The following CSMD1 variants were observed in gnomAD, a reference collection of about 807,000 sequenced individuals.
The protein encoded by CSMD1 is CUB and sushi domain-containing protein 1.
In CSMD1, 213 loss-of-function variants were observed where a neutral mutation model predicts 417.5. The observed-to-expected ratio is 0.51, with a 90% CI of 0.46 to 0.57. The LOEUF is 0.57. CSMD1 is among the 20% of genes least tolerant of loss of function. CSMD1 has a pLI of 0.00. For synonymous variants in CSMD1, 2,862 were observed against 1,736.8 expected (o/e 1.65, Z -16.11); for missense variants, 6,923 against 4,529.7 (o/e 1.53, Z -15.17).
chr8:3,676,223 T>C (rs1190313082), intron 7 of CSMD1, among the ~76,000 whole-genome samples: 2 of 152,216 alleles, frequency 1.3e-5, no homozygotes, highest in Non-Finnish European at 1.5e-5. Context: ...TTGAAGTAAA[T>C]ACTAACCTTG....
intron 7 of CSMD1, among the ~76,000 whole-genome samples, chr8:3,665,765 G>T (rs547426957): frequency 1.3e-5 from 2 of 152,138 alleles, no homozygotes; most frequent in African/African-American, 2.4e-5. Context: ...TTTATCCAAG[G>T]CAGTAGCTTG....
chr8:4,107,930 T>A (rs1585328192), intron 3 of CSMD1, among the ~76,000 whole-genome samples: 1 of 152,074 alleles, frequency 6.6e-6, no homozygotes, highest in African/African-American at 2.4e-5. Context: ...TCGTCAAAGT[T>A]TTGCCCCCTA....
At chr8:4,974,955 T>C (rs947461705) in intron 1 of CSMD1, among the ~76,000 whole-genome samples, 2 of 152,322 alleles carry the variant, frequency 1.3e-5, no homozygotes, top group Middle Eastern at 3.4e-3. Context: ...TATTCGACAA[T>C]AGATTCAAGT....
chr8:4,187,502 T>A (rs1700089), intron 3 of CSMD1, among the ~76,000 whole-genome samples: 21,684 of 151,772 alleles, frequency 0.14, 1,655 homozygotes, highest in Middle Eastern at 0.23. Context: ...AAAATCAGCC[T>A]GGGTGGTGGC....
intron 1 of CSMD1, among the ~76,000 whole-genome samples, chr8:4,717,729 G>C (rs1808776516): frequency 6.6e-6 from 1 of 152,136 alleles, no homozygotes; most frequent in Non-Finnish European, 1.5e-5. Flanking sequence ...GTGGAGCCAT[G>C]TTTGCAGGAA....
intron 2 of CSMD1, among the ~76,000 whole-genome samples, chr8:4,460,892 G>GAAGAGGGATCACATTCCAACTTATTTT (rs1799774536): frequency 6.6e-6 from 1 of 152,074 alleles, no homozygotes; most frequent in Non-Finnish European, 1.5e-5. Flanking sequence ...TCCAAAAATA[G>GAAGAGGGATCACATTCCAACTTATTTT]AAGAGGGATC....
At chr8:3,625,597 T>A (rs1796453796) in intron 7 of CSMD1, among the ~76,000 whole-genome samples, 1 of 152,144 alleles carries the variant, frequency 6.6e-6, no homozygotes, top group African/African-American at 2.4e-5. Context: ...AATTTATTTT[T>A]AAAAAATACA....
At chr8:4,714,466 T>C (rs972497824) in intron 1 of CSMD1, among the ~76,000 whole-genome samples, 15 of 152,146 alleles carry the variant, frequency 9.9e-5, no homozygotes, top group African/African-American at 3.6e-4. Flanking sequence ...ACATAAGCGC[T>C]TTCATATGCT....
chr8:2,957,026 T>C lies in CSMD1; in HGVS notation c.9814+670A>G, dbSNP rs138797920. On this transcript the variant is annotated intron_variant, in intron 63 of 69. Transcript: ENST00000635120. ...TTTTATAACATTCTATTAATGTTTT[T>C]ATTTTTAATACAGTAAGAATAAGAC... 6.0e-3 allele frequency among the ~76,000 whole-genome samples: 914 copies of C among 152,282 alleles called. 10 individuals are homozygous for C. The highest frequency in any genetic ancestry group is 0.021 in the African/African-American group (862 of 41,554).
chr8:4,245,421 G>A (rs887022058), intron 3 of CSMD1, among the ~76,000 whole-genome samples: 2 of 152,118 alleles, frequency 1.3e-5, no homozygotes, highest in African/African-American at 4.8e-5. Context: ...GCAAAGGGAG[G>A]AGGAGGCAGG....
At chr8:3,685,379 C>T (rs1340250456) in intron 7 of CSMD1, among the ~76,000 whole-genome samples, 1 of 152,156 alleles carries the variant, frequency 6.6e-6, no homozygotes, top group Non-Finnish European at 1.5e-5. Flanking sequence ...CACCAGGGGT[C>T]CTGTCTGGGT....
At chr8:3,332,895 TGA>T (rs1393821796) in intron 23 of CSMD1, among the ~76,000 whole-genome samples, 1 of 152,138 alleles carries the variant, frequency 6.6e-6, no homozygotes, top group African/African-American at 2.4e-5. Flanking sequence ...ATGGCAAGTG[TGA>T]GAGCACCAGA....
intron 3 of CSMD1, among the ~76,000 whole-genome samples, chr8:4,165,479 C>T (rs534627027): frequency 1.3e-4 from 20 of 152,342 alleles, no homozygotes; most frequent in African/African-American, 4.1e-4. Flanking sequence ...TCATTGCTCA[C>T]TGTAGCCTCA....
intron 1 of CSMD1, among the ~76,000 whole-genome samples, chr8:4,990,302 T>C (rs1420409780): frequency 6.6e-6 from 1 of 152,088 alleles, no homozygotes; most frequent in African/African-American, 2.4e-5. Flanking sequence ...ATCCTGATAA[T>C]GCAACAGGAA....
At chr8:3,407,282 G>A (rs537756328) in intron 14 of CSMD1, among the ~76,000 whole-genome samples, 3 of 152,030 alleles carry the variant, frequency 2.0e-5, no homozygotes, top group African/African-American at 7.2e-5. Flanking sequence ...TAGATGGATG[G>A]AAGGATAAAA....
At chr8:4,034,862 T>C (rs1035610918) in intron 3 of CSMD1, among the ~76,000 whole-genome samples, 17 of 152,138 alleles carry the variant, frequency 1.1e-4, no homozygotes, top group Non-Finnish European at 1.8e-4. Context: ...AAAGACACGG[T>C]TATCAATGGA....
At chr8:4,075,628 AACTC>A (rs1263285277) in intron 3 of CSMD1, among the ~76,000 whole-genome samples, 5 of 152,198 alleles carry the variant, frequency 3.3e-5, no homozygotes, top group Non-Finnish European at 4.4e-5. Context: ...ATTGTAGTAT[AACTC>A]ACACTGTGTT....
chr8:4,410,512 G>A (rs1048151548), intron 3 of CSMD1, among the ~76,000 whole-genome samples: 3 of 152,172 alleles, frequency 2.0e-5, no homozygotes, highest in Admixed American at 6.6e-5. Context: ...CTGTATAAGA[G>A]AGACAGAAAG....
chr8:4,667,952 C>A (rs923032862), intron 1 of CSMD1, among the ~76,000 whole-genome samples: 3 of 152,210 alleles, frequency 2.0e-5, no homozygotes, highest in Non-Finnish European at 4.4e-5. Context: ...TGAAACAATT[C>A]TTTTACCTGC....
Sources: allele counts gnomAD v4.1 joint callset (sites outside exome capture counted in the v4.1 genomes callset), GRCh38; gene constraint gnomAD v4.1.1; transcripts MANE v1.5; gene names NCBI Gene and HGNC (gene_info 2026-07-23, HGNC 2026-07-21).